DEGS2: variants seen among roughly 807,000 people sequenced by gnomAD.
DEGS2 encodes delta 4-desaturase, sphingolipid 2.
Under a neutral mutation model 23.8 loss-of-function variants are expected in DEGS2, and 19 were observed. The ratio of observed to expected loss-of-function variants is 0.80; its 90% CI spans 0.56 to 1.17. The LOEUF is 1.17. Ranked by LOEUF, DEGS2 falls within the 50% of genes most tolerant of loss-of-function variation. DEGS2 has a pLI of 0.00. For missense variants in DEGS2, 390 were observed against 459.5 expected, an observed-to-expected ratio of 0.85 and a Z score of 1.38; for synonymous variants, 218 against 213.7, an observed-to-expected ratio of 1.02 and a Z score of -0.18.
intron 1 of DEGS2, among the ~76,000 whole-genome samples, chr14:100,158,800 C>T (rs542404616): frequency 6.6e-6 from 1 of 152,148 alleles, no homozygotes; most frequent in Non-Finnish European, 1.5e-5. Context: ...GACGACTCAC[C>T]GGGGCCACCT....
chr14:100,161,903 C>G (rs994608771), upstream of DEGS2, among the ~76,000 whole-genome samples: 1 of 151,534 alleles, frequency 6.6e-6, no homozygotes, highest in Non-Finnish European at 1.5e-5. Context: ...AATCCCGTCT[C>G]TACTAAAAAT....
rs759552955 is a variant in DEGS2 at position 100,144,238 on chromosome 14, C to T, written c.*2523G>A. 34 of 156,028 alleles carry T rather than the reference C, an allele frequency of 2.2e-4. No homozygotes were observed. The highest frequency in any genetic ancestry group is 4.4e-4 in the Non-Finnish European group (31 of 70,510). 9.7% of individuals were successfully genotyped at this position (156,028 alleles called of 1,614,324 possible). On this transcript the variant is annotated 3_prime_UTR_variant, in exon 3 of 3. Coordinates refer to ENST00000305631, the MANE Select transcript of DEGS2 (RefSeq NM_206918.3). Reference sequence around the variant, plus strand: ...GTAATAAACGGTTTACTGTCCGCACCCTCGGGCTCAGGCCCTCGCATTGGT... The same window carrying T: ...GTAATAAACGGTTTACTGTCCGCACTCTCGGGCTCAGGCCCTCGCATTGGT...
chr14:100,153,548 G>A (rs1157721547), intron 1 of DEGS2, among the ~76,000 whole-genome samples: 1 of 152,204 alleles, frequency 6.6e-6, no homozygotes, highest in East Asian at 1.9e-4. Flanking sequence ...ATGAGGAATT[G>A]CAGGCCTGCA....
Position 100,144,422 on chromosome 14 carries a change from C to T in DEGS2, c.*2339G>A, listed in dbSNP as rs915162869. 1.3e-5 allele frequency: 2 copies of T among 152,348 alleles called. No individual in the cohort carries two copies. Among genetic ancestry groups the T allele is most frequent in the African/African-American group, 2.4e-5 (1 of 41,450 alleles). The allele number at this position is 152,348 out of a possible 1,614,324, so 9.4% of individuals were successfully genotyped here. A position where few individuals can be genotyped will look rare whatever the true frequency, so the allele number is the denominator to read the frequency against. ...GGGGTGGTGTCCTGGGGCTGGGCCT[C>T]AGGTCCTGCCTGTAGGGAACTCCCT... On this transcript the variant is annotated 3_prime_UTR_variant, in exon 3 of 3. Coordinates refer to ENST00000305631, the MANE Select transcript of DEGS2 (RefSeq NM_206918.3).
the DEGS2 span, among the ~76,000 whole-genome samples, chr14:100,166,107 T>G: frequency 0.029 from 138 of 4,746 alleles, 7 homozygotes; most frequent in African/African-American, 0.052. Context: ...AGAGTGGGGG[T>G]AGCCTGCCCG....
intron 1 of DEGS2, among the ~76,000 whole-genome samples, chr14:100,153,738 G>A (rs1383947659): frequency 6.6e-5 from 10 of 152,232 alleles, no homozygotes; most frequent in Admixed American, 2.6e-4. Context: ...AGAGCCCGAC[G>A]TGCACAGCCA....
chr14:100,148,887 C>A, intron 2 of DEGS2, 81 bp downstream of exon 2: 2 of 1,481,816 alleles, frequency 1.3e-6, no homozygotes, highest in Non-Finnish European at 1.8e-6. Context: ...GGGCATGGCC[C>A]AAGGCCCTTC....
At chr14:100,154,410 T>C (rs1441956680) in intron 1 of DEGS2, among the ~76,000 whole-genome samples, 2 of 151,446 alleles carry the variant, frequency 1.3e-5, no homozygotes, top group Admixed American at 6.6e-5. Flanking sequence ...GTCAGACTCC[T>C]GTGTGCCCTT....
chr14:100,154,526 C>T (rs905847895), intron 1 of DEGS2, among the ~76,000 whole-genome samples: 4 of 152,190 alleles, frequency 2.6e-5, no homozygotes, highest in African/African-American at 4.8e-5. Context: ...GGGGTCTTCC[C>T]TAGGGGCCTA....
upstream of DEGS2, chr14:100,160,283 G>C (rs1889731072): frequency 6.6e-6 from 1 of 152,292 alleles, no homozygotes; most frequent in Admixed American, 6.5e-5. Flanking sequence ...AGGTACAGAA[G>C]TGGCTGTTAT....
At chr14:100,162,575 T>G (rs1444933304), upstream of DEGS2, among the ~76,000 whole-genome samples, 1 of 151,958 alleles carries the variant, frequency 6.6e-6, no homozygotes, top group African/African-American at 2.4e-5. Context: ...AGCCAAAATA[T>G]AGTTTCTTTT....
At position 100,149,215 on chromosome 14, in the gene DEGS2, T is replaced by C; in HGVS notation, c.578A>G (p.Gln193Arg). The C allele has an allele frequency of 6.2e-7, 1 of 1,612,550 alleles. No homozygotes were observed. The highest frequency in any genetic ancestry group is 8.5e-7 in the Non-Finnish European group (1 of 1,179,752). The change falls in exon 2 of 3, where the codon CAG (glutamine) becomes CGG (arginine). Residue 193 changes from glutamine (Q) to arginine (R), a missense_variant. Coordinates refer to ENST00000305631, the MANE Select transcript of DEGS2 (RefSeq NM_206918.3). ...AAAGATGGCCAGGTCGGCCGCCAGCTGCACCAGCGTGTTGAGCACCTCCAT... is the reference window on the plus strand; with the variant it reads ...AAAGATGGCCAGGTCGGCCGCCAGCCGCACCAGCGTGTTGAGCACCTCCAT... ...TRMEVLNTLV[Q>R]LAADLAIFAL...
chr14:100,147,030 T>A, intron 2 of DEGS2, 123 bp from the exon 3 acceptor site: 1 of 1,171,894 alleles, frequency 8.5e-7, no homozygotes, highest in South Asian at 1.5e-5. Context: ...CGAACATGTT[T>A]GCGCGCGCGC....
At chr14:100,161,505 C>T (rs1379995827), upstream of DEGS2, among the ~76,000 whole-genome samples, 3 of 152,248 alleles carry the variant, frequency 2.0e-5, no homozygotes, top group South Asian at 2.1e-4. Flanking sequence ...CCACCCTGTC[C>T]GTTGTCCCAG....
intron 2 of DEGS2, among the ~76,000 whole-genome samples, chr14:100,148,318 C>G (rs947903101): frequency 6.6e-6 from 1 of 152,230 alleles, no homozygotes; most frequent in Admixed American, 6.5e-5. Flanking sequence ...GCTCGAACAC[C>G]TCCCCAGTGC....
intron 1 of DEGS2, among the ~76,000 whole-genome samples, chr14:100,154,587 T>C (rs1452230330): frequency 2.6e-5 from 4 of 152,232 alleles, no homozygotes; most frequent in East Asian, 1.9e-4. Flanking sequence ...TGCACACTTA[T>C]ACCAGTTAGC....
At chr14:100,158,061 T>C (rs1411711212) in intron 1 of DEGS2, among the ~76,000 whole-genome samples, 1 of 122,890 alleles carries the variant, frequency 8.1e-6, no homozygotes, top group Non-Finnish European at 1.6e-5. Context: ...CACTCCGGTC[T>C]GGGCGACAGA....
At chr14:100,148,438 C>T (rs540184215) in intron 2 of DEGS2, among the ~76,000 whole-genome samples, 1 of 151,272 alleles carries the variant, frequency 6.6e-6, no homozygotes. Flanking sequence ...CCTCCCCCTT[C>T]CCCTTCCTCC....
In DEGS2 at chr14:100,152,199, T is replaced by C. The variant is rs562387072; in HGVS notation, c.83-2489A>G. Among the ~76,000 whole-genome samples the C allele has an allele frequency of 4.6e-5, 7 of 151,744 alleles. No homozygotes were observed. In the East Asian group the frequency reaches 1.4e-3, roughly 30 times the overall value. On this transcript the variant is annotated intron_variant, in intron 1 of 2. Coordinates refer to ENST00000305631, the MANE Select transcript of DEGS2 (RefSeq NM_206918.3). ...ATGAGGTAGCGAGGGTGGGTCTGCC[T>C]AGGGCATGGGGCAGGGAGGGCAACA...
Sources: gnomAD v4.1 joint callset for allele counts (sites outside exome capture counted in the v4.1 genomes callset) on GRCh38, gnomAD v4.1.1 for gene constraint, MANE v1.5 for transcripts, NCBI Gene and HGNC (gene_info 2026-07-23, HGNC 2026-07-21) for gene names.